Variants in PUS7L observed in about 807,000 individuals in gnomAD.
The protein encoded by PUS7L is pseudouridylate synthase PUS7L.
PUS7L carries 49 observed loss-of-function variants against 51.1 expected under a neutral mutation model. The observed-to-expected ratio is 0.96, with a 90% CI of 0.76 to 1.22. PUS7L has a LOEUF of 1.22. PUS7L is among the 50% of genes most tolerant of loss of function. The pLI is 0.00. For missense variants in PUS7L, 828 were observed against 820.6 expected, an observed-to-expected ratio of 1.01 and a Z score of -0.11; for synonymous variants, 277 against 276.2, an observed-to-expected ratio of 1.00 and a Z score of -0.03.
chr12:43,744,669 T>A (rs1044503578), intron 4 of PUS7L, among the ~76,000 whole-genome samples: 4 of 152,246 alleles, frequency 2.6e-5, no homozygotes, highest in African/African-American at 9.6e-5. Flanking sequence ...ATTTAAAAGA[T>A]CTTTAGTTGG....
chr12:43,742,684 G>A, intron 4 of PUS7L, 129 bp from the exon 5 acceptor site: 1 of 1,266,146 alleles, frequency 7.9e-7, no homozygotes, highest in Non-Finnish European at 1.0e-6. Flanking sequence ...ATACACATAG[G>A]GACCAAATGG....
Position 43,748,553 on chromosome 12 carries a change from T to G in PUS7L, c.967A>C (p.Ile323Leu), listed in dbSNP as rs751196229. 1 of 1,610,604 alleles carries G rather than the reference T, an allele frequency of 6.2e-7. No homozygotes were observed. The change falls in exon 3 of 9, where the codon ATC becomes CTC. Residue 323 changes from isoleucine (I) to leucine (L), a missense_variant. Coordinates refer to ENST00000344862, the MANE Select transcript of PUS7L (RefSeq NM_031292.5). The stretch of plus-strand genomic sequence containing the variant: ...TCCGAAGGAATAACACCAAGTTTGA[T>G]AGCTAAAAAACCAATCGCTTCAAAC... The part of the protein sequence containing the change: ...EMFEAIGFLA[I>L]KLGVIPSDFS...
Position 43,723,222 on chromosome 12 carries a change from G to A in PUS7L, c.*7154C>T, listed in dbSNP as rs1944417592. The A allele has an allele frequency of 6.6e-6, 1 of 152,062 alleles. No homozygotes were observed. Among genetic ancestry groups the A allele is most frequent in the Non-Finnish European group, 1.5e-5 (1 of 67,954 alleles). 9.4% of individuals were successfully genotyped at this position (152,062 alleles called of 1,614,324 possible). ...AATTAACTCCTGCCTCAAAGTTGCT[G>A]AGAAAATGAATTGCTTAAGAAGATT... On this transcript the variant is annotated 3_prime_UTR_variant, in exon 9 of 9. Transcript: ENST00000344862.
intron 1 of PUS7L, 55 bp downstream of exon 1, chr12:43,758,660 CCCCCCCACACACACA>C: frequency 1.4e-6 from 1 of 740,602 alleles, no homozygotes; most frequent in Non-Finnish European, 1.5e-6. Context: ...CGTCACCCCC[CCCCCCCACACACACA>C]CACACACACA....
In PUS7L at chr12:43,748,605, A is replaced by G. The variant is rs773489223; in HGVS notation, c.915T>C (p.Phe305=). Residue 305 remains phenylalanine, a synonymous_variant, in exon 3 of 9, where the codon TTT becomes TTC. Coordinates refer to ENST00000344862, the MANE Select transcript of PUS7L (RefSeq NM_031292.5). ...CQEGKVIYTA[F]TLRKENLEMF... ...TTTCCAGGTTTTCCTTTCGTAGGGT[A>G]AAAGCTGAAACAAAAAAAAAACTTA... 1 of 1,576,368 alleles carries G rather than the reference A, an allele frequency of 6.3e-7. No homozygotes were observed. The highest frequency in any genetic ancestry group is 8.5e-7 in the Non-Finnish European group (1 of 1,170,162).
In PUS7L at chr12:43,755,208, G is replaced by T; in HGVS notation, c.38C>A (p.Ser13Tyr). 1.2e-6 allele frequency: 2 copies of T among 1,607,260 alleles called. No individual in the cohort carries two copies. Among genetic ancestry groups the T allele is most frequent in the African/African-American group, 1.3e-5 (1 of 74,518 alleles). Residue 13 changes from serine to tyrosine, a missense_variant, in exon 2 of 9, where the codon TCT becomes TAT. Ser to Tyr is a moderately radical substitution (Grantham distance 144). Coordinates refer to ENST00000344862, the MANE Select transcript of PUS7L (RefSeq NM_031292.5). ...AACGTGATCATTAAAGAAACACAAA[G>T]AACTAAACCTGATTCTATAATCTGT... The part of the protein sequence containing the change: ...EDTDYRIRFS[S>Y]LCFFNDHVGF...
rs777810040 is a variant in PUS7L, at chr12:43,754,355, T to A, written c.891A>T (p.Glu297Asp). 1 of 1,596,012 alleles carries A rather than the reference T, an allele frequency of 6.3e-7. No homozygotes were observed. Among genetic ancestry groups the A allele is most frequent in the Non-Finnish European group, 8.5e-7 (1 of 1,173,364 alleles). Reference protein sequence around the residue: ...RGKRPLSECQEGKVIYTAFTL... With the variant: ...RGKRPLSECQDGKVIYTAFTL... The stretch of plus-strand genomic sequence containing the variant: ...AATTACCTGTATATATAACTTTTCC[T>A]TCTTGGCATTCAGAAAGAGGCCTTT... The change falls in exon 2 of 9, where the codon GAA becomes GAT. Residue 297 changes from glutamate to aspartate, a missense_variant. Coordinates refer to ENST00000344862, the MANE Select transcript of PUS7L (RefSeq NM_031292.5).
chr12:43,738,750 T>C (rs1937738071), intron 5 of PUS7L: 2 of 244,126 alleles, frequency 8.2e-6, no homozygotes, highest in Non-Finnish European at 1.7e-5. Context: ...TATTAAACCC[T>C]TATTTTTAAA....
At chr12:43,738,209 T>A in intron 6 of PUS7L, 101 bp downstream of exon 6, 4 of 720,474 alleles carry the variant, frequency 5.6e-6, no homozygotes, top group Non-Finnish European at 1.0e-5. Context: ...ATTTATTTCT[T>A]ATCACATTTA....
rs536892975 is a variant in PUS7L at position 43,758,703 on chromosome 12, T to C, written c.-17+27A>G. ...CACACACACACATACAAGCCCACCA[T>C]CGCGCAAGAAACTCGACCCCGTCTA... On this transcript the variant is annotated intron_variant, in intron 1 of 8. Transcript: ENST00000344862. 3.6e-4 allele frequency: 285 copies of C among 796,010 alleles called. 1 individual carries two copies. The highest frequency in any genetic ancestry group is 4.0e-4 in the Non-Finnish European group (274 of 689,030). The allele number at this position is 796,010 out of a possible 1,614,324, so 49.3% of individuals were successfully genotyped here. A position where few individuals can be genotyped will look rare whatever the true frequency, so the allele number is the denominator to read the frequency against.
At position 43,743,651 on chromosome 12, in the gene PUS7L, T is replaced by C. The variant is rs571476290; in HGVS notation, c.1264-1096A>G. ...GGTGGCGGGCACCTGTAGTCCCAGCTACTCAGGAGGCTGGGGCAGGAGAAT... is the reference window on the plus strand; with the variant it reads ...GGTGGCGGGCACCTGTAGTCCCAGCCACTCAGGAGGCTGGGGCAGGAGAAT... On this transcript the variant is annotated intron_variant, in intron 4 of 8. Transcript: ENST00000344862. 8.6e-5 allele frequency among the ~76,000 whole-genome samples: 13 copies of C among 152,038 alleles called. No individual in the cohort carries two copies. The South Asian group carries it at 2.5e-3, about 29-fold the overall frequency.
At position 43,723,523 on chromosome 12, in the gene PUS7L, T is replaced by C. The variant is rs569120634; in HGVS notation, c.*6853A>G. The C allele has an allele frequency of 1.8e-3, 272 of 152,260 alleles. No individual in the cohort carries two copies. The highest frequency in any genetic ancestry group is 6.3e-3 in the African/African-American group (262 of 41,574). The allele number at this position is 152,260 out of a possible 1,614,324, so 9.4% of individuals were successfully genotyped here. A position where few individuals can be genotyped will look rare whatever the true frequency, so the allele number is the denominator to read the frequency against. ...TGTAAGTGAAATGAAAAGATGCTGC[T>C]TGTTTTTCTCTTTACCATTTAGTCT... On this transcript the variant is annotated 3_prime_UTR_variant, in exon 9 of 9. Coordinates refer to ENST00000344862, the MANE Select transcript of PUS7L (RefSeq NM_031292.5).
At position 43,738,238 on chromosome 12, in the gene PUS7L, C is replaced by G. The variant is rs186821601; in HGVS notation, c.1444+72G>C. On this transcript the variant is annotated intron_variant, in intron 6 of 8. Transcript: ENST00000344862. The stretch of plus-strand genomic sequence containing the variant: ...ACATTTATGTTACAATAAATGCTCT[C>G]CTGCTGATAAAACATTTATAGTGTG... The G allele has an allele frequency of 1.7e-3, 1,364 of 817,244 alleles. 13 individuals are homozygous for G. The highest frequency in any genetic ancestry group is 5.6e-4 in the Non-Finnish European group (260 of 462,042). 50.6% of individuals were successfully genotyped at this position (817,244 alleles called of 1,614,324 possible).
Position 43,730,610 on chromosome 12 carries a change from C to A in PUS7L, c.1872G>T (p.Gln624His). 1 of 1,613,340 alleles carries A rather than the reference C, an allele frequency of 6.2e-7. No individual in the cohort carries two copies. The highest frequency in any genetic ancestry group is 8.5e-7 in the Non-Finnish European group (1 of 1,179,380). The change falls in exon 9 of 9, where the codon CAG becomes CAT. Residue 624 changes from glutamine to histidine, a missense_variant. Gln to His is a conservative substitution (Grantham distance 24, BLOSUM62 0). Transcript: ENST00000344862. ...YHDILSRDGL[Q>H]TCRFKVPTLK... ...GAGTAGGTACTTTAAACCTACATGT[C>A]TGTAGTCCATCTCTGCTAAGTATGT...
Position 43,730,476 on chromosome 12 carries a change from T to A in PUS7L, c.2006A>T (p.His669Leu). The A allele has an allele frequency of 6.2e-7, 1 of 1,613,840 alleles. No individual in the cohort carries two copies. The highest frequency in any genetic ancestry group is 1.7e-5 in the Admixed American group (1 of 60,010). The change falls in exon 9 of 9, where the codon CAC (histidine) becomes CTC (leucine). Residue 669 changes from histidine (H) to leucine (L), a missense_variant. Coordinates refer to ENST00000344862, the MANE Select transcript of PUS7L (RefSeq NM_031292.5). The stretch of plus-strand genomic sequence containing the variant: ...AAGAGACAAAGCTGTTTCATCAATG[T>A]GGGAACCTTTCGTTTTGACATCAAT... ...HDIDVKTKGS[H>L]IDETALSLLI... is the part of the protein sequence containing the mutation.
Position 43,722,706 on chromosome 12 carries a change from A to G in PUS7L, c.*7670T>C, listed in dbSNP as rs1051711260. 3 of 152,138 alleles carry G rather than the reference A, an allele frequency of 2.0e-5. No individual in the cohort carries two copies. Among genetic ancestry groups the G allele is most frequent in the African/African-American group, 7.2e-5 (3 of 41,448 alleles). 9.4% of individuals were successfully genotyped at this position (152,138 alleles called of 1,614,324 possible). A position where few individuals can be genotyped will look rare whatever the true frequency, so the allele number is the denominator to read the frequency against. On this transcript the variant is annotated 3_prime_UTR_variant, in exon 9 of 9. Coordinates refer to ENST00000344862, the MANE Select transcript of PUS7L (RefSeq NM_031292.5). ...TATCCATCTTCCCTTTTTAGAAAAG[A>G]ACACTAGTCCTTTATGTTCCCCTGC...
At position 43,730,447 on chromosome 12, in the gene PUS7L, T is replaced by C. The variant is rs1482647481; in HGVS notation, c.2035A>G (p.Ile679Val). 1.9e-6 allele frequency: 3 copies of C among 1,613,704 alleles called. No homozygotes were observed. Among genetic ancestry groups the C allele is most frequent in the Admixed American group, 1.7e-5 (1 of 59,964 alleles). Residue 679 changes from isoleucine to valine, a missense_variant, in exon 9 of 9, where the codon ATC becomes GTC. Ile to Val is a conservative substitution (Grantham distance 29, BLOSUM62 3). Transcript: ENST00000344862. ...CATGAAGCATCAAGATCAAAAGAGA[T>C]CAAAAGAGACAAAGCTGTTTCATCA... Reference protein sequence around the residue: ...HIDETALSLLISFDLDASCYA... With the variant: ...HIDETALSLLVSFDLDASCYA...
intron 6 of PUS7L, among the ~76,000 whole-genome samples, chr12:43,737,750 C>A (rs1434013897): frequency 2.0e-5 from 3 of 152,028 alleles, no homozygotes; most frequent in African/African-American, 7.2e-5. Context: ...ATCACTTGCA[C>A]AAAATCATAC....
chr12:43,743,622 G>A (rs1429829364), intron 4 of PUS7L, among the ~76,000 whole-genome samples: 1 of 152,102 alleles, frequency 6.6e-6, no homozygotes, highest in Non-Finnish European at 1.5e-5. Flanking sequence ...AATTAGCTGG[G>A]CGTGGTGGCG....
Sources: gnomAD v4.1 joint callset for allele counts (sites outside exome capture counted in the v4.1 genomes callset) on GRCh38, gnomAD v4.1.1 for gene constraint, MANE v1.5 for transcripts, NCBI Gene and HGNC (gene_info 2026-07-23, HGNC 2026-07-21) for gene names.